RAI1: variants seen among roughly 807,000 people sequenced by gnomAD.
RAI1 encodes the protein retinoic acid induced 1.
In RAI1, 9 loss-of-function variants were observed where a neutral mutation model predicts 123.8. The ratio of observed to expected loss-of-function variants is 0.07; its 90% CI spans 0.04 to 0.13. The LOEUF (loss-of-function observed/expected upper bound fraction) is 0.13, where lower values mean the gene tolerates loss of function less well. Ranked by LOEUF, RAI1 falls within the 10% of genes least tolerant of loss-of-function variation. RAI1 has a pLI of 1.00. For missense variants in RAI1, 2,256 were observed against 2,545.8 expected (o/e 0.89, Z 2.45); for synonymous variants, 1,231 against 1,127.3 (o/e 1.09, Z -1.84).
chr17:17,733,562 G>A (rs955533631), intron 2 of RAI1, among the ~76,000 whole-genome samples: 2 of 152,142 alleles, frequency 1.3e-5, no homozygotes, highest in African/African-American at 4.8e-5. Context: ...TTCAGCAGAT[G>A]AGAACACTGG....
intron 2 of RAI1, among the ~76,000 whole-genome samples, chr17:17,739,811 C>T (rs575629985): frequency 1.3e-3 from 191 of 152,322 alleles, no homozygotes; most frequent in Non-Finnish European, 2.1e-3. Flanking sequence ...GGGAACTACC[C>T]GGAGGCCACC....
chr17:17,798,368 G>A lies in RAI1; in HGVS notation c.5420G>A (p.Cys1807Tyr), dbSNP rs1228925036. The stretch of plus-strand genomic sequence containing the variant: ...GCCGACAAGGGTCGCAAACATGAGT[G>A]CAGCAAGGAGGCTCCGGCAGAGCCC... ...APADKGRKHE[C>Y]SKEAPAEPGG... Residue 1807 changes from cysteine (C) to tyrosine (Y), a missense_variant, in exon 3 of 6, where the codon TGC becomes TAC. Transcript: ENST00000353383. 4 of 1,608,402 alleles carry A rather than the reference G, an allele frequency of 2.5e-6. No homozygotes were observed. The highest frequency in any genetic ancestry group is 3.4e-6 in the Non-Finnish European group (4 of 1,177,742).
At chr17:17,703,214 CAGG>C (rs1322279164) in intron 1 of RAI1, among the ~76,000 whole-genome samples, 2 of 152,174 alleles carry the variant, frequency 1.3e-5, no homozygotes, top group African/African-American at 4.8e-5. Context: ...AGTGGGCTCA[CAGG>C]AGGCTAGGGA....
intron 1 of RAI1, among the ~76,000 whole-genome samples, chr17:17,707,029 C>T (rs1000395250): frequency 2.6e-5 from 4 of 152,182 alleles, no homozygotes; most frequent in Non-Finnish European, 4.4e-5. Context: ...CAGCTAATGA[C>T]GAGCAATCTG....
At chr17:17,798,748 C>G (rs1232585124) in intron 3 of RAI1, among the ~76,000 whole-genome samples, 1 of 152,130 alleles carries the variant, frequency 6.6e-6, no homozygotes, top group African/African-American at 2.4e-5. Flanking sequence ...CCGCCGGGGC[C>G]CGTATGCCCA....
chr17:17,702,401 C>T (rs553232727), intron 1 of RAI1, among the ~76,000 whole-genome samples: 3 of 152,196 alleles, frequency 2.0e-5, no homozygotes, highest in Non-Finnish European at 4.4e-5. Context: ...CAGGCCAAGC[C>T]TCGGATGATG....
chr17:17,746,634 C>CTTTTT (rs377692656), intron 2 of RAI1, among the ~76,000 whole-genome samples: 106 of 120,346 alleles, frequency 8.8e-4, no homozygotes, highest in African/African-American at 1.1e-3. Flanking sequence ...CTTTTCTTTT[C>CTTTTT]TTTTTTTTTT....
chr17:17,689,719 T>C (rs1914772371), intron 1 of RAI1, among the ~76,000 whole-genome samples: 1 of 152,202 alleles, frequency 6.6e-6, no homozygotes, highest in Non-Finnish European at 1.5e-5. Flanking sequence ...CTTGGTTCTG[T>C]CATCTGTAAA....
At chr17:17,744,999 T>C (rs1226105025) in intron 2 of RAI1, among the ~76,000 whole-genome samples, 1 of 152,128 alleles carries the variant, frequency 6.6e-6, no homozygotes, top group Admixed American at 6.5e-5. Context: ...GCCCTGCTGT[T>C]AGGGGCTCTC....
intron 2 of RAI1, among the ~76,000 whole-genome samples, chr17:17,724,406 C>CTTTT (rs771760855): frequency 0.014 from 1,469 of 103,638 alleles, 20 homozygotes; most frequent in Middle Eastern, 0.025. Flanking sequence ...TCTTTCTTTC[C>CTTTT]TTTTTTTTTT....
At chr17:17,740,074 G>A (rs1916570802) in intron 2 of RAI1, among the ~76,000 whole-genome samples, 1 of 152,234 alleles carries the variant, frequency 6.6e-6, no homozygotes, top group Non-Finnish European at 1.5e-5. Flanking sequence ...GGATAGCTGG[G>A]GATCAGACAT....
chr17:17,700,821 G>A (rs1404156080), intron 1 of RAI1, among the ~76,000 whole-genome samples: 2 of 151,988 alleles, frequency 1.3e-5, no homozygotes, highest in African/African-American at 2.4e-5. Flanking sequence ...GTGCTCCCCC[G>A]CGCCGTCCCC....
At chr17:17,741,791 T>C (rs1916646112) in intron 2 of RAI1, among the ~76,000 whole-genome samples, 1 of 152,144 alleles carries the variant, frequency 6.6e-6, no homozygotes, top group Admixed American at 6.5e-5. Flanking sequence ...AAAAGCACAC[T>C]CCCCACATCC....
intron 2 of RAI1, among the ~76,000 whole-genome samples, chr17:17,783,655 C>G (rs2142999344): frequency 6.6e-6 from 1 of 152,268 alleles, no homozygotes; most frequent in East Asian, 1.9e-4. Context: ...CTGGGGCGCG[C>G]GCCCGCACTC....
At chr17:17,782,622 G>C (rs2031632517) in intron 2 of RAI1, among the ~76,000 whole-genome samples, 1 of 151,040 alleles carries the variant, frequency 6.6e-6, no homozygotes, top group Non-Finnish European at 1.5e-5. Context: ...CGGGGGCGGG[G>C]GGTTGGGGGG....
At chr17:17,708,246 G>C (rs748286810) in intron 1 of RAI1, among the ~76,000 whole-genome samples, 6 of 152,182 alleles carry the variant, frequency 3.9e-5, no homozygotes, top group Non-Finnish European at 4.4e-5. Context: ...AGCAGGAGGG[G>C]AGGCAGGCCC....
chr17:17,773,055 TGATG>T (rs1283279062), intron 2 of RAI1, among the ~76,000 whole-genome samples: 1 of 58,480 alleles, frequency 1.7e-5, no homozygotes, highest in African/African-American at 8.6e-5. Flanking sequence ...ATGGATAGAC[TGATG>T]GGTGGGTGGG....
chr17:17,753,231 G>T (rs2030288532), intron 2 of RAI1, among the ~76,000 whole-genome samples: 1 of 152,230 alleles, frequency 6.6e-6, no homozygotes, highest in Admixed American at 6.5e-5. Context: ...ACAGACACAG[G>T]CTGGAGGGGC....
At position 17,795,813 on chromosome 17, in the gene RAI1, G is replaced by T. The variant is rs771283375; in HGVS notation, c.2865G>T (p.Gly955=). The change falls in exon 3 of 6, where the codon GGG becomes GGT. Residue 955 remains glycine (G), a synonymous_variant. Coordinates refer to ENST00000353383, the MANE Select transcript of RAI1 (RefSeq NM_030665.4). The surrounding 1 kb of genome is among the most constrained non-coding windows in gnomAD (Gnocchi z 5.9). The stretch of plus-strand genomic sequence containing the variant: ...CACACATGAAGCCAGGTGAAGAGGG[G>T]CCTGATGGGGAGCGAGCTCCAGGGG... ...SLSHMKPGEE[G]PDGERAPGDS... The T allele has an allele frequency of 6.2e-7, 1 of 1,613,606 alleles. No homozygotes were observed.
Sources: allele counts gnomAD v4.1 joint callset (sites outside exome capture counted in the v4.1 genomes callset), GRCh38; gene constraint gnomAD v4.1.1; non-coding constraint Gnocchi (gnomAD v3.1); transcripts MANE v1.5; gene names NCBI Gene and HGNC (gene_info 2026-07-23, HGNC 2026-07-21).